Variants in GALNT13 observed in about 807,000 individuals in gnomAD.
GALNT13 encodes UDP-GalNAc:polypeptide N-acetylgalactosaminyltransferase 13.
In GALNT13, 28 loss-of-function variants were observed where a neutral mutation model predicts 64.2. The observed-to-expected ratio is 0.44, with a 90% CI of 0.32 to 0.60. GALNT13 has a LOEUF of 0.60. Ranked by LOEUF, GALNT13 falls within the 20% of genes least tolerant of loss-of-function variation. The probability of loss-of-function intolerance (pLI) is 0.05; values close to 1 mark genes in which losing one functional copy is unlikely to be tolerated. For missense variants in GALNT13, 577 were observed against 669.8 expected, an observed-to-expected ratio of 0.86 and a Z score of 1.53; for synonymous variants, 214 against 224.6, an observed-to-expected ratio of 0.95 and a Z score of 0.42.
At chr2:154,051,291 T>TC (rs1699594146) in intron 3 of GALNT13, among the ~76,000 whole-genome samples, 1 of 145,964 alleles carries the variant, frequency 6.9e-6, no homozygotes, top group Non-Finnish European at 1.5e-5. Flanking sequence ...TTTTTTTTTT[T>TC]TTTTTTTTTT....
intron 9 of GALNT13, among the ~76,000 whole-genome samples, chr2:154,395,388 C>A (rs1040496528): frequency 6.6e-6 from 1 of 151,908 alleles, no homozygotes; most frequent in Non-Finnish European, 1.5e-5. Context: ...GAATATATTT[C>A]TGTTCATTTG....
chr2:153,446,093 G>C, the GALNT13 span, among the ~76,000 whole-genome samples: 1 of 152,212 alleles, frequency 6.6e-6, no homozygotes, highest in Non-Finnish European at 1.5e-5. Flanking sequence ...AAAAGAATTA[G>C]AGTCTGACTC....
chr2:154,147,079 C>G (rs1169264735), intron 4 of GALNT13, among the ~76,000 whole-genome samples: 2 of 151,952 alleles, frequency 1.3e-5, no homozygotes, highest in Non-Finnish European at 2.9e-5. Flanking sequence ...TTTTTCTCTT[C>G]CCTGTAAGTG....
intron 9 of GALNT13, among the ~76,000 whole-genome samples, chr2:154,375,046 G>A (rs1193560423): frequency 6.6e-6 from 1 of 152,134 alleles, no homozygotes; most frequent in Non-Finnish European, 1.5e-5. Context: ...GAGTGCAGTG[G>A]CGCAATCTCG....
chr2:153,363,451 T>C, the GALNT13 span, among the ~76,000 whole-genome samples: 92 of 152,216 alleles, frequency 6.0e-4, no homozygotes, highest in African/African-American at 2.0e-3. Flanking sequence ...CAGGAGCTGG[T>C]TTTTTGAAAA....
chr2:154,109,695 A>T (rs966417296), intron 3 of GALNT13, among the ~76,000 whole-genome samples: 2 of 152,114 alleles, frequency 1.3e-5, no homozygotes, highest in African/African-American at 4.8e-5. Context: ...AAGTTTGTTG[A>T]ATTTTGTCAA....
chr2:153,670,218 G>A, the GALNT13 span, among the ~76,000 whole-genome samples: 4 of 152,148 alleles, frequency 2.6e-5, no homozygotes, highest in Non-Finnish European at 5.9e-5. Flanking sequence ...TTCGAGCTCC[G>A]ATAATGGACA....
At chr2:153,260,640 C>T in the GALNT13 span, among the ~76,000 whole-genome samples, 1 of 152,036 alleles carries the variant, frequency 6.6e-6, no homozygotes, top group East Asian at 1.9e-4. Context: ...TATCCTCGAC[C>T]TTTGGGAGTT....
chr2:154,145,100 CTA>C (rs1553484442), intron 4 of GALNT13, among the ~76,000 whole-genome samples: 6,850 of 119,236 alleles, frequency 0.057, 460 homozygotes, highest in African/African-American at 0.15. Flanking sequence ...ATCTATCTAT[CTA>C]TATATATATA....
Position 154,337,468 on chromosome 2 carries a change from G to A in GALNT13, c.1156+35879G>A, listed in dbSNP as rs10515927. ...ATTGACTTTGTTACATCTAGATCAT[G>A]GGTATATAGTTTAATTTCTCCATTT... On this transcript the variant is annotated intron_variant, in intron 9 of 12. Coordinates refer to ENST00000392825, the MANE Select transcript of GALNT13 (RefSeq NM_052917.4). Among the ~76,000 whole-genome samples the A allele has an allele frequency of 7.9e-3, 1,195 of 152,028 alleles. 34 individuals carry two copies. The highest frequency in any genetic ancestry group is 0.043 in the Admixed American group (654 of 15,262).
At chr2:153,775,648 T>C in the GALNT13 span, among the ~76,000 whole-genome samples, 131,578 of 152,124 alleles carry the variant, frequency 0.86, 57,821 homozygotes, top group Non-Finnish European at 0.91. Context: ...TTTTTCATCA[T>C]GTACTCAGCT....
intron 3 of GALNT13, among the ~76,000 whole-genome samples, chr2:154,106,761 T>TTA (rs1235422464): frequency 1.3e-5 from 2 of 152,008 alleles, no homozygotes; most frequent in Non-Finnish European, 2.9e-5. Context: ...TAATTTATAA[T>TTA]TATATATATT....
chr2:153,997,356 A>T (rs958151554), intron 3 of GALNT13, among the ~76,000 whole-genome samples: 1 of 151,532 alleles, frequency 6.6e-6, no homozygotes, highest in Non-Finnish European at 1.5e-5. Flanking sequence ...GCATTTTTTC[A>T]TTACTGTTTT....
chr2:154,434,081 G>A (rs138402579), intron 11 of GALNT13, among the ~76,000 whole-genome samples: 1 of 152,288 alleles, frequency 6.6e-6, no homozygotes, highest in African/African-American at 2.4e-5. Flanking sequence ...CAAAGAGAGT[G>A]GCCTCAGCAG....
At chr2:154,026,730 C>T (rs1269478819) in intron 3 of GALNT13, among the ~76,000 whole-genome samples, 1 of 152,140 alleles carries the variant, frequency 6.6e-6, no homozygotes, top group East Asian at 1.9e-4. Flanking sequence ...CTCCTACAAA[C>T]CCTAGCTCCA....
chr2:153,808,392 T>C, the GALNT13 span, among the ~76,000 whole-genome samples: 1 of 152,116 alleles, frequency 6.6e-6, no homozygotes, highest in African/African-American at 2.4e-5. Flanking sequence ...TTTCAGCCCA[T>C]TTTTTCTTTC....
intron 11 of GALNT13, 189 bp downstream of exon 11, chr2:154,409,271 T>G (rs1699687786): frequency 1.7e-6 from 1 of 585,126 alleles, no homozygotes; most frequent in Admixed American, 3.0e-5. Flanking sequence ...AAAATTAAAA[T>G]AAAAAGAGCA....
the GALNT13 span, among the ~76,000 whole-genome samples, chr2:153,852,904 T>A: frequency 6.6e-6 from 1 of 152,086 alleles, no homozygotes; most frequent in African/African-American, 2.4e-5. Context: ...GGGAGTTTAT[T>A]ATGGAGTATT....
intron 2 of GALNT13, among the ~76,000 whole-genome samples, chr2:153,941,020 AC>A (rs1691302499): frequency 1.3e-5 from 2 of 152,176 alleles, no homozygotes. Flanking sequence ...TAGTTACAAA[AC>A]CCTAAACTTT....
Sources: allele counts gnomAD v4.1 joint callset (sites outside exome capture counted in the v4.1 genomes callset), GRCh38; gene constraint gnomAD v4.1.1; transcripts MANE v1.5; gene names NCBI Gene and HGNC (gene_info 2026-07-23, HGNC 2026-07-21).